CLASP1: variants seen among roughly 807,000 people sequenced by gnomAD.
CLASP1 encodes CLIP-associating protein 1.
In CLASP1, 38 loss-of-function variants were observed where a neutral mutation model predicts 192.3. The ratio of observed to expected loss-of-function variants is 0.20; its 90% CI spans 0.15 to 0.26. The LOEUF is 0.26. Ranked by LOEUF, CLASP1 falls within the 10% of genes least tolerant of loss-of-function variation. The probability of loss-of-function intolerance (pLI) is 1.00; values close to 1 mark genes in which losing one functional copy is unlikely to be tolerated. For missense variants in CLASP1, 1,433 were observed against 1,932.5 expected, an observed-to-expected ratio of 0.74 and a Z score of 4.85; for synonymous variants, 691 against 712.8, an observed-to-expected ratio of 0.97 and a Z score of 0.49.
At chr2:121,599,791 G>A (rs899061220) in intron 2 of CLASP1, among the ~76,000 whole-genome samples, 1 of 149,562 alleles carries the variant, frequency 6.7e-6, no homozygotes, top group East Asian at 2.0e-4. Context: ...ATGGTGGCAC[G>A]CACCTGTAAT....
chr2:121,628,868 C>G (rs549830566), intron 1 of CLASP1, among the ~76,000 whole-genome samples: 4 of 137,908 alleles, frequency 2.9e-5, no homozygotes, highest in African/African-American at 8.2e-5. Context: ...TGGCTCCTGA[C>G]AGAGCGAGAC....
intron 2 of CLASP1, among the ~76,000 whole-genome samples, chr2:121,544,866 G>A (rs185603892): frequency 6.6e-6 from 1 of 151,738 alleles, no homozygotes; most frequent in African/African-American, 2.4e-5. Context: ...AATGATGGCA[G>A]GGCACCTAAT....
chr2:121,340,856 T>C, exon 40 of CLASP1: 1 of 1,608,540 alleles, frequency 6.2e-7, no homozygotes, highest in African/African-American at 1.3e-5. Context: ...AGACAGGTAC[T>C]GCCATTAGCT....
At chr2:121,593,899 C>T (rs2062759552) in intron 2 of CLASP1, among the ~76,000 whole-genome samples, 1 of 151,836 alleles carries the variant, frequency 6.6e-6, no homozygotes, top group African/African-American at 2.4e-5. Context: ...ATCCCAGCTA[C>T]TTGGGAGGCT....
At chr2:121,401,341 A>T (rs184016836) in intron 28 of CLASP1, among the ~76,000 whole-genome samples, 168 bp downstream of exon 29, 21 of 152,358 alleles carry the variant, frequency 1.4e-4, no homozygotes, top group Admixed American at 4.6e-4. Flanking sequence ...ATTTCATTTC[A>T]TGGACTGGTG....
At chr2:121,551,249 G>A (rs1202626122) in intron 2 of CLASP1, among the ~76,000 whole-genome samples, 1 of 152,162 alleles carries the variant, frequency 6.6e-6, no homozygotes, top group Non-Finnish European at 1.5e-5. Context: ...ACACCATACT[G>A]AATGGGGAAA....
At chr2:121,382,104 ACCAC>A in intron 33 of CLASP1, 100 bp downstream of exon 34, 1 of 827,838 alleles carries the variant, frequency 1.2e-6, no homozygotes, top group Admixed American at 2.0e-5. Context: ...CAAGGAAGGG[ACCAC>A]ACTGGAGGCA....
At chr2:121,349,293 CT>C (rs1442243228) in intron 37 of CLASP1, among the ~76,000 whole-genome samples, 2 of 152,082 alleles carry the variant, frequency 1.3e-5, no homozygotes, top group Admixed American at 6.5e-5. Context: ...GTGCAGCCCC[CT>C]ATCAGCCCCA....
At chr2:121,458,101 G>A (rs1252198667) in intron 13 of CLASP1, among the ~76,000 whole-genome samples, 15 of 152,158 alleles carry the variant, frequency 9.9e-5, no homozygotes, top group Non-Finnish European at 1.9e-4. Context: ...CAATAGAAAT[G>A]TCCAATAATG....
At chr2:121,434,752 G>A (rs921797734) in intron 19 of CLASP1, among the ~76,000 whole-genome samples, 7 of 152,150 alleles carry the variant, frequency 4.6e-5, no homozygotes, top group African/African-American at 1.7e-4. Flanking sequence ...CACTTTGGGA[G>A]GCTGAGGCAG....
At chr2:121,355,808 G>T (rs79525777) in intron 37 of CLASP1, among the ~76,000 whole-genome samples, 1 of 152,168 alleles carries the variant, frequency 6.6e-6, no homozygotes, top group Non-Finnish European at 1.5e-5. Context: ...TTTAGAAAGG[G>T]GTGAGGGACT....
At chr2:121,499,523 A>G (rs2093661535) in intron 8 of CLASP1, among the ~76,000 whole-genome samples, 1 of 149,336 alleles carries the variant, frequency 6.7e-6, no homozygotes. Context: ...AAAAAAAAAA[A>G]AACACTAAAG....
chr2:121,610,349 TGGAGGA>T, intron 1 of CLASP1, among the ~76,000 whole-genome samples: 1 of 57,658 alleles, frequency 1.7e-5, no homozygotes, highest in African/African-American at 7.4e-5. Context: ...GAAGAGGAGC[TGGAGGA>T]GGAGGAAGAG....
chr2:121,385,744 T>G (rs1574146755), intron 32 of CLASP1, among the ~76,000 whole-genome samples: 2 of 152,240 alleles, frequency 1.3e-5, no homozygotes, highest in African/African-American at 4.8e-5. Context: ...TAACTATCTC[T>G]TCTAGACAGA....
chr2:121,402,782 C>A, intron 26 of CLASP1: 1 of 406,480 alleles, frequency 2.5e-6, no homozygotes, highest in Admixed American at 3.0e-5. Flanking sequence ...TTTACCACTA[C>A]CTTAGAGAAA....
In CLASP1 at chr2:121,644,989, G is replaced by T. The variant is rs141784859; in HGVS notation, c.-286+4383C>A. Among the ~76,000 whole-genome samples the T allele has an allele frequency of 1.5e-3, 231 of 149,770 alleles. 1 individual carries two copies. Among genetic ancestry groups the T allele is most frequent in the Admixed American group, 0.014 (208 of 15,064 alleles). On this transcript the variant is annotated intron_variant, in intron 1 of 39. Coordinates refer to ENST00000263710, the Ensembl canonical transcript of CLASP1. ...AACAAAAAAAAAAAAAACAAGAGTT[G>T]CCTAAAGAAAGCATGGTGAGCCATA...
At chr2:121,644,496 T>C (rs1261367755) in intron 1 of CLASP1, among the ~76,000 whole-genome samples, 1 of 151,854 alleles carries the variant, frequency 6.6e-6, no homozygotes, top group Non-Finnish European at 1.5e-5. Context: ...ACTAGAAATA[T>C]AACAAAAATT....
At chr2:121,523,846 G>C (rs1470438207) in intron 6 of CLASP1, among the ~76,000 whole-genome samples, 1 of 152,174 alleles carries the variant, frequency 6.6e-6, no homozygotes, top group African/African-American at 2.4e-5. Flanking sequence ...GATCCACACA[G>C]ACAAGACAGG....
intron 2 of CLASP1, among the ~76,000 whole-genome samples, chr2:121,589,742 C>T (rs2062165352): frequency 6.6e-6 from 1 of 151,184 alleles, no homozygotes; most frequent in Non-Finnish European, 1.5e-5. Flanking sequence ...TGTGAAAGCA[C>T]TTGGAAAAAA....
Sources: allele counts gnomAD v4.1 joint callset (sites outside exome capture counted in the v4.1 genomes callset), GRCh38; gene constraint gnomAD v4.1.1; transcripts MANE v1.5; gene names NCBI Gene and HGNC (gene_info 2026-07-23, HGNC 2026-07-21).